The following GLIS3 variants were observed in gnomAD, a reference collection of about 807,000 sequenced individuals.
The protein encoded by GLIS3 is zinc finger protein GLIS3.
GLIS3 carries 53 observed loss-of-function variants against 78.6 expected under a neutral mutation model. The observed-to-expected ratio is 0.67, with a 90% CI of 0.54 to 0.85. GLIS3 has a LOEUF of 0.85. Among genes scored for constraint, GLIS3 ranks in the 40% least tolerant of loss-of-function variants. The pLI, the probability that GLIS3 is intolerant of heterozygous loss-of-function variation, is 0.00. For synonymous variants in GLIS3, 684 were observed against 509.9 expected (o/e 1.34, Z -4.60); for missense variants, 1,703 against 1,231.1 (o/e 1.38, Z -5.74).
At chr9:4,084,556 C>T (rs1161151470) in intron 4 of GLIS3, among the ~76,000 whole-genome samples, 1 of 151,996 alleles carries the variant, frequency 6.6e-6, no homozygotes, top group East Asian at 1.9e-4. Flanking sequence ...GACATGGAGC[C>T]AGAAACAGAG....
chr9:4,396,901 C>T, the GLIS3 span, among the ~76,000 whole-genome samples: 4 of 152,200 alleles, frequency 2.6e-5, no homozygotes, highest in East Asian at 7.7e-4. Flanking sequence ...AGTTTTGCTC[C>T]TTCGCCTCGT....
the GLIS3 span, among the ~76,000 whole-genome samples, chr9:4,408,040 T>A: frequency 0.031 from 4,744 of 152,100 alleles, 227 homozygotes; most frequent in African/African-American, 0.11. Context: ...ATCAGAGAAA[T>A]AAATACAAAT....
chr9:3,986,649 T>C (rs1588392220), intron 4 of GLIS3, among the ~76,000 whole-genome samples: 1 of 152,242 alleles, frequency 6.6e-6, no homozygotes, highest in Non-Finnish European at 1.5e-5. Flanking sequence ...CCTCCTCCAC[T>C]GAAAGTCATC....
At chr9:4,353,023 A>C (rs1333659570), upstream of GLIS3, among the ~76,000 whole-genome samples, 6 of 151,984 alleles carry the variant, frequency 3.9e-5, no homozygotes, top group African/African-American at 1.2e-4. Context: ...TTTGGTTAGG[A>C]GATCAGTCAG....
At chr9:3,999,961 A>C (rs1231887682) in intron 4 of GLIS3, among the ~76,000 whole-genome samples, 1 of 152,180 alleles carries the variant, frequency 6.6e-6, no homozygotes, top group East Asian at 1.9e-4. Context: ...TATACGAAAA[A>C]GGTATAAAAG....
At chr9:4,242,741 C>T (rs1823436554) in intron 2 of GLIS3, among the ~76,000 whole-genome samples, 1 of 152,112 alleles carries the variant, frequency 6.6e-6, no homozygotes, top group African/African-American at 2.4e-5. Context: ...AATTACACCC[C>T]AGATTCAGAA....
chr9:3,876,696 G>A (rs868322903), intron 8 of GLIS3, among the ~76,000 whole-genome samples: 15 of 14,414 alleles, frequency 1.0e-3, no homozygotes, highest in Non-Finnish European at 2.3e-3. Flanking sequence ...GGAGGGAGGG[G>A]AGGGAGGGGA....
the GLIS3 span, among the ~76,000 whole-genome samples, chr9:4,462,322 G>A: frequency 6.6e-6 from 1 of 152,176 alleles, no homozygotes; most frequent in Non-Finnish European, 1.5e-5. Flanking sequence ...GATATTGCCA[G>A]AATATCCAAG....
intron 2 of GLIS3, among the ~76,000 whole-genome samples, chr9:4,340,720 G>A (rs1037765186): frequency 6.6e-6 from 1 of 151,998 alleles, no homozygotes; most frequent in African/African-American, 2.4e-5. Flanking sequence ...ACAGAGTCTC[G>A]CTCTGTCACC....
At chr9:3,831,487 T>A (rs934732865) in intron 9 of GLIS3, among the ~76,000 whole-genome samples, 1 of 152,228 alleles carries the variant, frequency 6.6e-6, no homozygotes, top group East Asian at 1.9e-4. Flanking sequence ...GAAGTGTGAA[T>A]GAAGAAGGCA....
At chr9:4,035,755 G>GC (rs1190053403) in intron 4 of GLIS3, 1 of 152,188 alleles carries the variant, frequency 6.6e-6, no homozygotes, top group African/African-American at 2.4e-5. Flanking sequence ...TTCCTGTCTT[G>GC]CCTTCCACCA....
chr9:3,967,034 C>A (rs10814810), intron 4 of GLIS3, among the ~76,000 whole-genome samples: 60,789 of 93,160 alleles, frequency 0.65, 18,828 homozygotes, highest in East Asian at 0.83. Context: ...AAAAAAAAAA[C>A]AAAAAAACAT....
intron 9 of GLIS3, among the ~76,000 whole-genome samples, chr9:3,852,839 T>A (rs1819520276): frequency 6.6e-6 from 1 of 152,214 alleles, no homozygotes; most frequent in Admixed American, 6.5e-5. Flanking sequence ...TTTGCCTAAC[T>A]ATATTTTAAA....
the GLIS3 span, among the ~76,000 whole-genome samples, chr9:4,415,460 G>A: frequency 6.6e-6 from 1 of 152,200 alleles, no homozygotes; most frequent in Non-Finnish European, 1.5e-5. Context: ...CTAAACAGAT[G>A]GATGTTAGTC....
At chr9:4,242,214 T>A (rs1274276080) in intron 2 of GLIS3, among the ~76,000 whole-genome samples, 1 of 152,060 alleles carries the variant, frequency 6.6e-6, no homozygotes. Flanking sequence ...CAGTTTTGGA[T>A]AAACGCTACC....
chr9:4,034,511 A>G (rs1197653328), intron 4 of GLIS3: 2 of 152,214 alleles, frequency 1.3e-5, no homozygotes, highest in Non-Finnish European at 2.9e-5. Flanking sequence ...TAGGAATGTT[A>G]TAACAATTCA....
chr9:4,244,439 TAA>T (rs909374907), intron 2 of GLIS3, among the ~76,000 whole-genome samples: 4 of 152,202 alleles, frequency 2.6e-5, no homozygotes, highest in Non-Finnish European at 5.9e-5. Context: ...AAATATTACA[TAA>T]AATGAGTACA....
At chr9:4,354,339 C>T in the GLIS3 span, among the ~76,000 whole-genome samples, 2 of 152,214 alleles carry the variant, frequency 1.3e-5, no homozygotes, top group Non-Finnish European at 2.9e-5. Flanking sequence ...GGACACCTCT[C>T]TTCATGCCAT....
At chr9:4,206,222 T>A (rs140620445) in intron 2 of GLIS3, among the ~76,000 whole-genome samples, 63 of 152,346 alleles carry the variant, frequency 4.1e-4, no homozygotes, top group African/African-American at 1.4e-3. Context: ...CAAGTGAGTA[T>A]TAGCTTCTAT....
Sources: allele counts gnomAD v4.1 joint callset (sites outside exome capture counted in the v4.1 genomes callset), GRCh38; gene constraint gnomAD v4.1.1; transcripts MANE v1.5; gene names NCBI Gene and HGNC (gene_info 2026-07-23, HGNC 2026-07-21).